The following CREB5 variants were observed in gnomAD, a reference collection of about 807,000 sequenced individuals.
CREB5 encodes cAMP responsive element binding protein 5.
A neutral mutation model predicts 57.1 loss-of-function variants in CREB5; 19 were observed. The observed-to-expected ratio is 0.33, with a 90% CI of 0.23 to 0.49. CREB5 has a LOEUF of 0.49. CREB5 is among the 20% of genes least tolerant of loss of function. CREB5 has a pLI of 0.99. For missense variants in CREB5, 579 were observed against 671.6 expected, an observed-to-expected ratio of 0.86 and a Z score of 1.52; for synonymous variants, 238 against 238.3, an observed-to-expected ratio of 1.00 and a Z score of 0.01.
intron 5 of CREB5, among the ~76,000 whole-genome samples, chr7:28,600,419 T>C (rs1796872371): frequency 6.6e-6 from 1 of 152,202 alleles, no homozygotes; most frequent in Non-Finnish European, 1.5e-5. Flanking sequence ...ATGCAGAGTC[T>C]TTTTAGCATG....
intron 5 of CREB5, among the ~76,000 whole-genome samples, chr7:28,709,835 T>C (rs1447244449): frequency 2.0e-5 from 3 of 152,198 alleles, no homozygotes; most frequent in Admixed American, 2.0e-4. Flanking sequence ...CTGGTGATAA[T>C]GATCCAAAAG....
At chr7:28,472,091 C>A (rs1019908080) in intron 1 of CREB5, among the ~76,000 whole-genome samples, 2 of 151,384 alleles carry the variant, frequency 1.3e-5, no homozygotes, top group African/African-American at 4.9e-5. Flanking sequence ...GACATGCTTT[C>A]CATCCCAACA....
chr7:28,603,901 A>G (rs1797017786), intron 5 of CREB5, among the ~76,000 whole-genome samples: 1 of 152,152 alleles, frequency 6.6e-6, no homozygotes, highest in South Asian at 2.1e-4. Context: ...TCCTCAAGGG[A>G]TCTGTGGCTG....
intron 1 of CREB5, among the ~76,000 whole-genome samples, chr7:28,460,829 T>G: frequency 1.3e-5 from 2 of 149,436 alleles, no homozygotes; most frequent in African/African-American, 2.5e-5. Context: ...AAGAAGGAAG[T>G]GAGAGGGGAG....
chr7:28,306,239 C>T (rs1195504838), intron 1 of CREB5, among the ~76,000 whole-genome samples: 1 of 152,136 alleles, frequency 6.6e-6, no homozygotes, highest in South Asian at 2.1e-4. Context: ...TTATTGTTTA[C>T]GGAGAGCTCT....
intron 4 of CREB5, among the ~76,000 whole-genome samples, chr7:28,508,409 A>G (rs1053514447): frequency 6.6e-6 from 1 of 152,254 alleles, no homozygotes; most frequent in East Asian, 1.9e-4. Context: ...CATTGTTATT[A>G]TACAGCATTA....
intron 4 of CREB5, among the ~76,000 whole-genome samples, chr7:28,524,359 A>G (rs1195929065): frequency 1.4e-5 from 2 of 145,948 alleles, no homozygotes; most frequent in African/African-American, 2.6e-5. Context: ...ACACACACAC[A>G]CGGCAGATGT....
intron 7 of CREB5, among the ~76,000 whole-genome samples, chr7:28,728,538 T>A (rs895875559): frequency 1.2e-4 from 18 of 152,242 alleles, no homozygotes; most frequent in African/African-American, 3.9e-4. Flanking sequence ...TTAGCAGCAT[T>A]CCTGCTTGGT....
chr7:28,436,214 C>A lies in CREB5; in HGVS notation c.3+23297C>A, dbSNP rs554150780. Among the ~76,000 whole-genome samples the A allele has an allele frequency of 2.0e-5, 3 of 152,216 alleles. No homozygotes were observed. In the East Asian group the frequency reaches 5.8e-4, roughly 29 times the overall value. On this transcript the variant is annotated intron_variant, in intron 1 of 10. Transcript: ENST00000357727. Reference sequence around the variant, plus strand: ...CCCTCTCCAGTAAAAATCAATGCCTCTTGCCCTTGTGGCTCAAGCTGCAGA... The same window carrying A: ...CCCTCTCCAGTAAAAATCAATGCCTATTGCCCTTGTGGCTCAAGCTGCAGA...
At position 28,448,534 on chromosome 7, in the gene CREB5, G is replaced by A. The variant is rs140872143; in HGVS notation, c.3+35617G>A. ...GAACCTTTAGTGTTAGTGACATGGAGCTGGTGGGCTTGGCTGTTGGATTTA... is the reference window on the plus strand; with the variant it reads ...GAACCTTTAGTGTTAGTGACATGGAACTGGTGGGCTTGGCTGTTGGATTTA... On this transcript the variant is annotated intron_variant, in intron 1 of 10. Transcript: ENST00000357727. 7.2e-3 allele frequency among the ~76,000 whole-genome samples: 1,094 copies of A among 152,322 alleles called. 53 individuals carry two copies. Among genetic ancestry groups the A allele is most frequent in the Admixed American group, 0.065 (1,002 of 15,302 alleles).
At chr7:28,443,909 C>A (rs73075806) in intron 1 of CREB5, among the ~76,000 whole-genome samples, 1 of 152,086 alleles carries the variant, frequency 6.6e-6, no homozygotes, top group South Asian at 2.1e-4. Flanking sequence ...GATGTGGAAG[C>A]GGTATTGGTA....
intron 1 of CREB5, among the ~76,000 whole-genome samples, chr7:28,350,272 C>T (rs998839117): frequency 2.6e-5 from 4 of 152,206 alleles, no homozygotes; most frequent in Non-Finnish European, 4.4e-5. Context: ...CCCATGCTAT[C>T]TCTGAGAGAG....
chr7:28,680,908 C>G (rs1180710134), intron 5 of CREB5, among the ~76,000 whole-genome samples: 1 of 152,186 alleles, frequency 6.6e-6, no homozygotes, highest in Non-Finnish European at 1.5e-5. Context: ...GTGGCAGTGT[C>G]TCCTTTTTTA....
At chr7:28,350,091 G>A (rs867514699) in intron 1 of CREB5, among the ~76,000 whole-genome samples, 115 of 152,212 alleles carry the variant, frequency 7.6e-4, no homozygotes, top group African/African-American at 2.7e-3. Context: ...GCCATCATTG[G>A]TGGGATGCAG....
At chr7:28,510,854 TTA>T (rs1792674915) in intron 4 of CREB5, among the ~76,000 whole-genome samples, 1 of 152,192 alleles carries the variant, frequency 6.6e-6, no homozygotes, top group Non-Finnish European at 1.5e-5. Context: ...TTGTTTCCCC[TTA>T]GAAAAGCATG....
At chr7:28,496,967 A>G (rs1792085022) in intron 3 of CREB5, among the ~76,000 whole-genome samples, 1 of 152,272 alleles carries the variant, frequency 6.6e-6, no homozygotes, top group African/African-American at 2.4e-5. Context: ...GAGTCAATGT[A>G]GTATAACTTA....
rs184187157 is a variant in CREB5, at chr7:28,560,362, T to C, written c.292-10003T>C. Among the ~76,000 whole-genome samples the C allele has an allele frequency of 8.2e-4, 125 of 152,206 alleles. 1 individual carries two copies. The highest frequency in any genetic ancestry group is 2.9e-3 in the African/African-American group (120 of 41,542). On this transcript the variant is annotated intron_variant, in intron 4 of 10. Transcript: ENST00000357727. ...AGGGGATAGTGGTAGGAGATGAGGC[T>C]GGAAATATAGGGTCTTGAAGGCAAG...
At chr7:28,547,789 T>A (rs545102220) in intron 4 of CREB5, among the ~76,000 whole-genome samples, 3 of 152,204 alleles carry the variant, frequency 2.0e-5, no homozygotes, top group Non-Finnish European at 4.4e-5. Context: ...TTTCGGTATG[T>A]AGCTTTGGAA....
At position 28,523,867 on chromosome 7, in the gene CREB5, G is replaced by A. The variant is rs145893998; in HGVS notation, c.291+16130G>A. ...CCTGAATTCCTGCAGTGCTTTTTCA[G>A]CACTGCTTATGGCACACCTCACCTC... On this transcript the variant is annotated intron_variant, in intron 4 of 10. Transcript: ENST00000357727. Among the ~76,000 whole-genome samples the A allele has an allele frequency of 3.1e-3, 474 of 152,216 alleles. 8 individuals carry two copies. Among genetic ancestry groups the A allele is most frequent in the East Asian group, 0.021 (107 of 5,182 alleles).
Sources: allele counts gnomAD v4.1 joint callset (sites outside exome capture counted in the v4.1 genomes callset), GRCh38; gene constraint gnomAD v4.1.1; transcripts MANE v1.5; gene names NCBI Gene and HGNC (gene_info 2026-07-23, HGNC 2026-07-21).